TBC1D12: variants seen among roughly 807,000 people sequenced by gnomAD.
TBC1D12 encodes TBC1 domain family, member 12.
Under a neutral mutation model 86.7 loss-of-function variants are expected in TBC1D12, and 56 were observed. That is an observed-to-expected ratio of 0.65 (90% CI 0.52 to 0.81). The LOEUF is 0.81. Among genes scored for constraint, TBC1D12 ranks in the 30% least tolerant of loss-of-function variants. TBC1D12 has a pLI of 0.00. For synonymous variants in TBC1D12, 421 were observed against 411.7 expected, an observed-to-expected ratio of 1.02 and a Z score of -0.27; for missense variants, 1,023 against 1,038.8, an observed-to-expected ratio of 0.98 and a Z score of 0.21.
intron 10 of TBC1D12, 56 bp downstream of exon 10, chr10:94,522,139 G>GA: frequency 3.9e-6 from 6 of 1,557,156 alleles, no homozygotes; most frequent in Non-Finnish European, 5.2e-6. Context: ...CTCTTAGAGT[G>GA]AAAAACAATA....
At chr10:94,478,887 G>A (rs1446841436) in intron 3 of TBC1D12, among the ~76,000 whole-genome samples, 1 of 152,108 alleles carries the variant, frequency 6.6e-6, no homozygotes, top group Non-Finnish European at 1.5e-5. Flanking sequence ...AACACGGAAG[G>A]TGGAGGTTGC....
chr10:94,405,386 A>C (rs896131540), intron 1 of TBC1D12, among the ~76,000 whole-genome samples: 2 of 152,180 alleles, frequency 1.3e-5, no homozygotes, highest in African/African-American at 4.8e-5. Context: ...TAAATTTACA[A>C]ATATAAAGTT....
chr10:94,407,065 C>A (rs552632640), intron 1 of TBC1D12, among the ~76,000 whole-genome samples: 1 of 150,668 alleles, frequency 6.6e-6, no homozygotes, highest in African/African-American at 2.5e-5. Flanking sequence ...AAAAAAAAAA[C>A]AGTTTTATGT....
intron 1 of TBC1D12, among the ~76,000 whole-genome samples, chr10:94,440,151 A>G (rs2055358643): frequency 6.6e-6 from 1 of 152,076 alleles, no homozygotes. Context: ...TGAGGAAATA[A>G]GAGTGTTTAT....
Position 94,403,513 on chromosome 10 carries a change from C to A in TBC1D12, c.900C>A (p.Ala300=). The A allele has an allele frequency of 6.4e-7, 1 of 1,563,626 alleles. No homozygotes were observed. The highest frequency in any genetic ancestry group is 8.6e-7 in the Non-Finnish European group (1 of 1,158,054). ...PPAGPPVPLP[A]AEQGPAGASA... ...CGGGGCCGCCGGTGCCCTTGCCCGC[C>A]GCGGAGCAGGGTCCTGCGGGGGCTT... Residue 300 remains alanine, a synonymous_variant, in exon 1 of 13, where the codon GCC becomes GCA. Transcript: ENST00000225235.
rs1323835111 is a variant in TBC1D12 at position 94,431,423 on chromosome 10, AAAG to A, written c.972-10470_972-10468del. ...GAGCAAGACTCTTAAAAAAAAAAAA[AAAG>A]AAAAGAAAGAAAATAATTTGAAAAC... On this transcript the variant is annotated intron_variant, in intron 1 of 12. Transcript: ENST00000225235. 8.0e-3 allele frequency among the ~76,000 whole-genome samples: 522 copies of A among 65,494 alleles called. 4 individuals are homozygous for A. The highest frequency in any genetic ancestry group is 0.021 in the African/African-American group (501 of 23,506). 43.0% of individuals were successfully genotyped at this position (65,494 alleles called of 152,430 possible).
chr10:94,504,531 T>C lies in TBC1D12; in HGVS notation c.1520-2736T>C, dbSNP rs75430222. Among the ~76,000 whole-genome samples the C allele has an allele frequency of 4.4e-3, 676 of 152,354 alleles. 6 individuals are homozygous for C. The highest frequency in any genetic ancestry group is 0.015 in the African/African-American group (628 of 41,580). ...TTATTTTTGTTAATCTTGTTTACTT[T>C]TGAATGGCTTTAGTAATTTGACTTG... On this transcript the variant is annotated intron_variant, in intron 6 of 12. Transcript: ENST00000225235.
At chr10:94,425,986 G>A (rs1418336556) in intron 1 of TBC1D12, among the ~76,000 whole-genome samples, 1 of 152,092 alleles carries the variant, frequency 6.6e-6, no homozygotes. Flanking sequence ...CTAATTCAGA[G>A]AAATATGATT....
chr10:94,496,071 G>A (rs957116926), intron 4 of TBC1D12, among the ~76,000 whole-genome samples: 2 of 151,892 alleles, frequency 1.3e-5, no homozygotes, highest in Non-Finnish European at 2.9e-5. Context: ...CCACTGCACT[G>A]CAGCCTGGGC....
intron 1 of TBC1D12, among the ~76,000 whole-genome samples, chr10:94,426,391 T>C (rs538175415): frequency 2.6e-5 from 4 of 152,262 alleles, no homozygotes; most frequent in African/African-American, 9.6e-5. Flanking sequence ...ATTTTTTATT[T>C]TATTAGTATT....
chr10:94,500,131 T>G lies in TBC1D12; in HGVS notation c.1413-90T>G. The G allele has an allele frequency of 2.6e-6, 3 of 1,134,636 alleles. No homozygotes were observed. In the South Asian group the frequency reaches 4.7e-5, roughly 18 times the overall value. 70.3% of individuals were successfully genotyped at this position (1,134,636 alleles called of 1,614,324 possible). A position where few individuals can be genotyped will look rare whatever the true frequency, so the allele number is the denominator to read the frequency against. Reference sequence around the variant, plus strand: ...ATAGTCCTAAAAATGATTTGATCACTTGGCCATAGACTAAAGATAATCCAT... The same window carrying G: ...ATAGTCCTAAAAATGATTTGATCACGTGGCCATAGACTAAAGATAATCCAT... On this transcript the variant is annotated intron_variant, in intron 5 of 12. Transcript: ENST00000225235.
chr10:94,529,108 T>A (rs1314345688), intron 11 of TBC1D12, among the ~76,000 whole-genome samples: 1 of 152,026 alleles, frequency 6.6e-6, no homozygotes, highest in African/African-American at 2.4e-5. Context: ...AATCCCAGGC[T>A]TAAGCAGTCT....
At chr10:94,449,383 T>C (rs2055516587) in intron 2 of TBC1D12, among the ~76,000 whole-genome samples, 1 of 152,172 alleles carries the variant, frequency 6.6e-6, no homozygotes, top group African/African-American at 2.4e-5. Flanking sequence ...GCCCCGAGAC[T>C]GCAATTGAGC....
At chr10:94,412,801 T>C (rs2054943740) in intron 1 of TBC1D12, among the ~76,000 whole-genome samples, 1 of 152,230 alleles carries the variant, frequency 6.6e-6, no homozygotes, top group African/African-American at 2.4e-5. Context: ...CTAGGAACTC[T>C]GTTAGCTACA....
At chr10:94,411,568 T>A (rs1166816932) in intron 1 of TBC1D12, among the ~76,000 whole-genome samples, 1 of 152,108 alleles carries the variant, frequency 6.6e-6, no homozygotes, top group Non-Finnish European at 1.5e-5. Flanking sequence ...TTTAAAAAAA[T>A]TTAAAAATCA....
chr10:94,525,974 T>C (rs1052615720), intron 11 of TBC1D12, among the ~76,000 whole-genome samples: 1 of 152,338 alleles, frequency 6.6e-6, no homozygotes, highest in Non-Finnish European at 1.5e-5. Flanking sequence ...GTTGTCCTAT[T>C]TGAAACCATA....
intron 2 of TBC1D12, among the ~76,000 whole-genome samples, chr10:94,456,003 C>T (rs2055622033): frequency 4.0e-5 from 6 of 151,494 alleles, no homozygotes; most frequent in Admixed American, 3.3e-4. Flanking sequence ...TTTTTAATGT[C>T]CTTGGGCTCT....
At chr10:94,420,774 T>C (rs1440868530) in intron 1 of TBC1D12, among the ~76,000 whole-genome samples, 1 of 152,212 alleles carries the variant, frequency 6.6e-6, no homozygotes, top group African/African-American at 2.4e-5. Flanking sequence ...TGGTGGACAT[T>C]TGGGTGGTTT....
chr10:94,458,452 T>C (rs1450063415), intron 2 of TBC1D12, among the ~76,000 whole-genome samples: 2 of 152,156 alleles, frequency 1.3e-5, no homozygotes, highest in Non-Finnish European at 2.9e-5. Context: ...CAACAGAAAA[T>C]AGACTAAGAA....
Sources: allele counts gnomAD v4.1 joint callset (sites outside exome capture counted in the v4.1 genomes callset), GRCh38; gene constraint gnomAD v4.1.1; transcripts MANE v1.5; gene names NCBI Gene and HGNC (gene_info 2026-07-23, HGNC 2026-07-21).